CTNND2: variants seen among roughly 807,000 people sequenced by gnomAD.
CTNND2 encodes catenin delta 2.
Under a neutral mutation model 144.4 loss-of-function variants are expected in CTNND2, and 22 were observed. The ratio of observed to expected loss-of-function variants is 0.15; its 90% confidence interval spans 0.11 to 0.22. The LOEUF is 0.22. Among genes scored for constraint, CTNND2 ranks in the 10% least tolerant of loss-of-function variants. The pLI, the probability that CTNND2 is intolerant of heterozygous loss-of-function variation, is 1.00. For missense variants in CTNND2, 1,353 were observed against 1,618.8 expected (o/e 0.84, Z 2.82); for synonymous variants, 751 against 695.6 (o/e 1.08, Z -1.25).
At chr5:11,260,592 A>T (rs1744760182) in intron 9 of CTNND2, among the ~76,000 whole-genome samples, 1 of 152,174 alleles carries the variant, frequency 6.6e-6, no homozygotes, top group Admixed American at 6.5e-5. Context: ...CCACAGTCGA[A>T]GGGGAAAAGG....
At chr5:11,581,152 T>G (rs950979839) in intron 2 of CTNND2, among the ~76,000 whole-genome samples, 3 of 152,230 alleles carry the variant, frequency 2.0e-5, no homozygotes, top group African/African-American at 4.8e-5. Context: ...TATAAATTTT[T>G]TTTTTCTGAA....
At chr5:11,123,678 C>T (rs370082391) in intron 12 of CTNND2, among the ~76,000 whole-genome samples, 216 of 152,384 alleles carry the variant, frequency 1.4e-3, no homozygotes, top group African/African-American at 4.9e-3. Flanking sequence ...AATACAAAGG[C>T]GCAGGCCCTT....
intron 1 of CTNND2, among the ~76,000 whole-genome samples, chr5:11,862,319 T>G (rs1340646993): frequency 6.6e-6 from 1 of 152,238 alleles, no homozygotes; most frequent in Non-Finnish European, 1.5e-5. Flanking sequence ...GCACTTGTTA[T>G]AGTAATTCAT....
intron 16 of CTNND2, among the ~76,000 whole-genome samples, chr5:11,067,939 A>C (rs1747787268): frequency 6.6e-6 from 1 of 152,164 alleles, no homozygotes; most frequent in African/African-American, 2.4e-5. Flanking sequence ...CAACAATTTA[A>C]GCTGGTTTTG....
chr5:11,330,876 A>C (rs937611898), intron 9 of CTNND2, among the ~76,000 whole-genome samples: 13 of 151,996 alleles, frequency 8.6e-5, no homozygotes, highest in African/African-American at 3.1e-4. Flanking sequence ...GTGTATGGAC[A>C]CTGTTTAGCA....
Position 11,208,926 on chromosome 5 carries a change from A to G in CTNND2, c.1762-9265T>C, listed in dbSNP as rs57816275. On this transcript the variant is annotated intron_variant, in intron 10 of 21. Transcript: ENST00000304623. ...ACCCATCTATTGGCTGTAAAGTGAT[A>G]TCTCTTTTTAGTTTTAATTTGTGTT... Among the ~76,000 whole-genome samples, 1,123 of 152,332 alleles carry G rather than the reference A, an allele frequency of 7.4e-3. 14 individuals carry two copies. The highest frequency in any genetic ancestry group is 0.023 in the African/African-American group (977 of 41,578).
At chr5:11,710,003 G>T (rs1785933233) in intron 2 of CTNND2, among the ~76,000 whole-genome samples, 1 of 152,004 alleles carries the variant, frequency 6.6e-6, no homozygotes, top group South Asian at 2.1e-4. Flanking sequence ...GTGATATATG[G>T]AATATAAAAA....
At position 11,652,326 on chromosome 5, in the gene CTNND2, G is replaced by A. The variant is rs910960102; in HGVS notation, c.174+79810C>T. Among the ~76,000 whole-genome samples the A allele has an allele frequency of 4.6e-5, 7 of 152,190 alleles. No homozygotes were observed. The East Asian group carries it at 1.4e-3, about 29-fold the overall frequency. On this transcript the variant is annotated intron_variant, in intron 2 of 21. Coordinates refer to ENST00000304623, the MANE Select transcript of CTNND2 (RefSeq NM_001332.4). The stretch of plus-strand genomic sequence containing the variant: ...CTTCTGTCATAATTATAAGTTTCAT[G>A]AGGCCTCCCCAGCCATACTTCTTGT...
chr5:11,811,104 T>A (rs1792306800), intron 1 of CTNND2, among the ~76,000 whole-genome samples: 1 of 152,164 alleles, frequency 6.6e-6, no homozygotes, highest in Non-Finnish European at 1.5e-5. Context: ...TTCATTGAGT[T>A]TCCTAGGAAC....
At chr5:11,172,973 A>G (rs1400584808) in intron 11 of CTNND2, among the ~76,000 whole-genome samples, 1 of 152,150 alleles carries the variant, frequency 6.6e-6, no homozygotes, top group Non-Finnish European at 1.5e-5. Context: ...GACCTAAGGG[A>G]AATCACTGTG....
At chr5:11,476,370 G>A (rs957853285) in intron 3 of CTNND2, among the ~76,000 whole-genome samples, 11 of 152,074 alleles carry the variant, frequency 7.2e-5, no homozygotes, top group African/African-American at 1.4e-4. Flanking sequence ...TTATATGCAC[G>A]ATTTCACTCA....
intron 3 of CTNND2, among the ~76,000 whole-genome samples, chr5:11,438,793 C>T (rs914931941): frequency 5.9e-5 from 9 of 152,018 alleles, no homozygotes; most frequent in Middle Eastern, 3.2e-3. Flanking sequence ...AGACATGCTT[C>T]GATTTTAACT....
At chr5:11,573,940 C>A (rs1044932466) in intron 2 of CTNND2, among the ~76,000 whole-genome samples, 8 of 152,120 alleles carry the variant, frequency 5.3e-5, no homozygotes, top group Non-Finnish European at 8.8e-5. Context: ...TGACAGGACT[C>A]CATGAAATTA....
chr5:11,090,550 G>T (rs750828704), intron 15 of CTNND2, among the ~76,000 whole-genome samples: 3 of 152,184 alleles, frequency 2.0e-5, no homozygotes, highest in Non-Finnish European at 2.9e-5. Context: ...ACCCTATTGT[G>T]AACTGTGCAT....
At chr5:11,354,617 T>G (rs1755672326) in intron 8 of CTNND2, among the ~76,000 whole-genome samples, 1 of 152,164 alleles carries the variant, frequency 6.6e-6, no homozygotes, top group Admixed American at 6.5e-5. Context: ...TAAAGAAAAT[T>G]ATTATTAGAC....
At chr5:11,508,651 C>G (rs1235703140) in intron 3 of CTNND2, among the ~76,000 whole-genome samples, 1 of 152,176 alleles carries the variant, frequency 6.6e-6, no homozygotes, top group Admixed American at 6.5e-5. Context: ...GTGGTTCACA[C>G]CTGTAATCCC....
intron 16 of CTNND2, among the ~76,000 whole-genome samples, chr5:11,046,409 C>T (rs1409105533): frequency 6.6e-6 from 1 of 152,214 alleles, no homozygotes; most frequent in East Asian, 1.9e-4. Context: ...TCACAGCCTT[C>T]CAAGGCAATC....
intron 11 of CTNND2, among the ~76,000 whole-genome samples, chr5:11,194,262 G>C (rs1256873975): frequency 6.6e-6 from 1 of 152,142 alleles, no homozygotes; most frequent in Non-Finnish European, 1.5e-5. Flanking sequence ...GGCACCTGGG[G>C]TGCAGAAATG....
At chr5:11,173,263 T>C (rs1371563040) in intron 11 of CTNND2, among the ~76,000 whole-genome samples, 1 of 152,234 alleles carries the variant, frequency 6.6e-6, no homozygotes, top group African/African-American at 2.4e-5. Context: ...GGGAATGTTA[T>C]GCCCACTCCT....
Sources: allele counts gnomAD v4.1 joint callset (sites outside exome capture counted in the v4.1 genomes callset), GRCh38; gene constraint gnomAD v4.1.1; transcripts MANE v1.5; gene names NCBI Gene and HGNC (gene_info 2026-07-23, HGNC 2026-07-21).